USP8: variants seen among roughly 807,000 people sequenced by gnomAD.
USP8 encodes the protein ubiquitin carboxyl-terminal hydrolase 8.
Under a neutral mutation model 130.0 loss-of-function variants are expected in USP8, and 27 were observed. The ratio of observed to expected loss-of-function variants is 0.21; its 90% CI spans 0.15 to 0.29. The LOEUF (loss-of-function observed/expected upper bound fraction) is 0.29. Ranked by LOEUF, USP8 falls within the 10% of genes least tolerant of loss-of-function variation. The pLI is 1.00. For synonymous variants in USP8, 392 were observed against 444.1 expected, an observed-to-expected ratio of 0.88 and a Z score of 1.48; for missense variants, 1,029 against 1,312.2, an observed-to-expected ratio of 0.78 and a Z score of 3.33.
chr15:50,461,558 A>T (rs951208250), intron 5 of USP8, among the ~76,000 whole-genome samples: 6 of 152,166 alleles, frequency 3.9e-5, no homozygotes, highest in African/African-American at 1.4e-4. Context: ...TTGGTTAAAA[A>T]ATGTAAACTA....
intron 8 of USP8, among the ~76,000 whole-genome samples, chr15:50,473,360 A>G (rs1273422151): frequency 6.6e-6 from 1 of 152,182 alleles, no homozygotes; most frequent in Non-Finnish European, 1.5e-5. Flanking sequence ...AATAACTAAT[A>G]AAAAGTAAGT....
chr15:50,466,854 T>A, intron 7 of USP8: 1 of 373,054 alleles, frequency 2.7e-6, no homozygotes, highest in Non-Finnish European at 5.3e-6. Flanking sequence ...GTGTGCTGAC[T>A]TGATCAGAGG....
chr15:50,496,176 C>T (rs2052393838), intron 17 of USP8, 92 bp downstream of exon 17: 1 of 1,097,396 alleles, frequency 9.1e-7, no homozygotes, highest in Admixed American at 2.4e-5. Context: ...TTTACCCTTA[C>T]AAACATTTTA....
At chr15:50,449,894 T>C (rs867149199) in intron 4 of USP8, among the ~76,000 whole-genome samples, 2 of 134,964 alleles carry the variant, frequency 1.5e-5, no homozygotes, top group Middle Eastern at 4.2e-3. Context: ...ATATTTCTTT[T>C]TTTTTTTTTT....
intron 4 of USP8, among the ~76,000 whole-genome samples, chr15:50,454,012 A>G (rs1368430880): frequency 6.6e-6 from 1 of 151,690 alleles, no homozygotes; most frequent in Non-Finnish European, 1.5e-5. Flanking sequence ...ACAGGCGCAC[A>G]CCACCATGCC....
intron 12 of USP8, among the ~76,000 whole-genome samples, chr15:50,487,788 C>G (rs1419662403): frequency 6.6e-6 from 1 of 152,172 alleles, no homozygotes. Context: ...TAAGAAGGCT[C>G]AATAAAACTT....
chr15:50,485,309 G>T (rs1254785193), intron 12 of USP8, among the ~76,000 whole-genome samples: 1 of 151,774 alleles, frequency 6.6e-6, no homozygotes, highest in Non-Finnish European at 1.5e-5. Context: ...AATTAGCCGG[G>T]CGTGGTGGCA....
Position 50,441,442 on chromosome 15 carries a change from C to T in USP8, c.198C>T (p.Tyr66=), listed in dbSNP as rs781518231. The T allele has an allele frequency of 1.0e-5, 16 of 1,598,790 alleles. No individual in the cohort carries two copies. In the East Asian group the frequency reaches 1.4e-4, roughly 14 times the overall value. ...GGGCCTATGTACTATATATGAAATA[C>T]GTGACTGTTTATAATCTTATCAAAA... The part of the protein sequence containing the change: ...EERAYVLYMK[Y]VTVYNLIKKR... The change falls in exon 3 of 20, where the codon TAC becomes TAT. Residue 66 remains tyrosine, a synonymous_variant. Transcript: ENST00000307179.
At chr15:50,464,955 T>A in intron 6 of USP8, 92 bp from the exon 7 acceptor site, 2 of 1,405,732 alleles carry the variant, frequency 1.4e-6, no homozygotes, top group South Asian at 2.7e-5. Flanking sequence ...TATACTTTGC[T>A]CTTCTAGAAA....
chr15:50,442,932 A>G (rs1205918869), intron 3 of USP8, among the ~76,000 whole-genome samples: 2 of 152,248 alleles, frequency 1.3e-5, no homozygotes, highest in African/African-American at 4.8e-5. Context: ...CCCTCAATTA[A>G]TAATGAGATT....
At chr15:50,429,523 T>G (rs1595893048) in intron 1 of USP8, among the ~76,000 whole-genome samples, 1 of 113,632 alleles carries the variant, frequency 8.8e-6, no homozygotes, top group Admixed American at 1.2e-4. Context: ...TTAGAATTCA[T>G]TTGGGAAGCT....
chr15:50,479,092 G>A (rs535928532), intron 10 of USP8, among the ~76,000 whole-genome samples: 3 of 152,030 alleles, frequency 2.0e-5, no homozygotes, highest in Non-Finnish European at 2.9e-5. Context: ...ATGAAAGTTT[G>A]TATATACAAG....
In USP8 at chr15:50,508,354, T is replaced by C. The variant is rs573438020; in HGVS notation, c.*9266T>C. 6.6e-6 allele frequency: 1 copy of C among 152,330 alleles called. No homozygotes were observed. Among genetic ancestry groups the C allele is most frequent in the Admixed American group, 6.5e-5 (1 of 15,300 alleles). The allele number at this position is 152,330 out of a possible 1,614,324, so 9.4% of individuals were successfully genotyped here. A position where few individuals can be genotyped will look rare whatever the true frequency, so the allele number is the denominator to read the frequency against. On this transcript the variant is annotated 3_prime_UTR_variant, in exon 20 of 20. Transcript: ENST00000307179. Reference sequence around the variant, plus strand: ...GAGAGTGGGTCAGTATTAAGATGAATTGATCATTTATTTTATATTCAAATA... The same window carrying C: ...GAGAGTGGGTCAGTATTAAGATGAACTGATCATTTATTTTATATTCAAATA...
Position 50,492,965 on chromosome 15 carries a change from C to A in USP8, c.2447+52C>A. ...TATAATGCTAAAAGGATGATCTAAC[C>A]ATATTTACTGTCTTAGTCCATTAGT... On this transcript the variant is annotated intron_variant, in intron 15 of 19. Coordinates refer to ENST00000307179, the MANE Select transcript of USP8 (RefSeq NM_005154.5). The A allele has an allele frequency of 2.0e-6, 3 of 1,500,412 alleles. No individual in the cohort carries two copies. The South Asian group carries it at 3.4e-5, about 17-fold the overall frequency. The allele number at this position is 1,500,412 out of a possible 1,614,324, so 92.9% of individuals were successfully genotyped here.
intron 1 of USP8, among the ~76,000 whole-genome samples, chr15:50,435,183 T>C (rs1392876827): frequency 1.3e-5 from 2 of 152,192 alleles, no homozygotes; most frequent in South Asian, 2.1e-4. Flanking sequence ...GAATGACTTA[T>C]CAAAAATGTA....
intron 4 of USP8, among the ~76,000 whole-genome samples, chr15:50,452,102 ACCTAGTGAG>A (rs2050646581): frequency 6.6e-6 from 1 of 152,158 alleles, no homozygotes; most frequent in African/African-American, 2.4e-5. Context: ...TAGCAAAAAG[ACCTAGTGAG>A]TGGCTAGAAA....
chr15:50,492,977 C>A, intron 15 of USP8, 64 bp downstream of exon 15: 1 of 1,452,720 alleles, frequency 6.9e-7, no homozygotes, highest in Non-Finnish European at 9.6e-7. Context: ...TATTTACTGT[C>A]TTAGTCCATT....
At chr15:50,441,202 TG>T in intron 2 of USP8, 146 bp from the exon 3 acceptor site, 1 of 670,486 alleles carries the variant, frequency 1.5e-6, no homozygotes, top group Non-Finnish European at 2.3e-6. Context: ...CTGTGCGTCC[TG>T]GTTCATAACA....
At chr15:50,432,735 G>A (rs1304951540) in intron 1 of USP8, among the ~76,000 whole-genome samples, 1 of 152,114 alleles carries the variant, frequency 6.6e-6, no homozygotes, top group East Asian at 1.9e-4. Flanking sequence ...ATTTTACGAA[G>A]CAGTACCTAA....
Sources: allele counts gnomAD v4.1 joint callset (sites outside exome capture counted in the v4.1 genomes callset), GRCh38; gene constraint gnomAD v4.1.1; transcripts MANE v1.5; gene names NCBI Gene and HGNC (gene_info 2026-07-23, HGNC 2026-07-21).